Variants in ARHGAP6 observed in about 807,000 individuals in gnomAD.
ARHGAP6 encodes rho GTPase-activating protein 6.
Under a neutral mutation model 55.7 loss-of-function variants are expected in ARHGAP6, and 16 were observed. That is an observed-to-expected ratio of 0.29 (90% confidence interval 0.19 to 0.44). ARHGAP6 has a LOEUF of 0.44. ARHGAP6 is among the 20% of genes least tolerant of loss of function. The pLI is 1.00. For synonymous variants in ARHGAP6, 382 were observed against 360.9 expected, an observed-to-expected ratio of 1.06 and a Z score of -0.66; for missense variants, 698 against 808.9, an observed-to-expected ratio of 0.86 and a Z score of 1.66.
chrX:11,656,776 C>T (rs1427981921), intron 1 of ARHGAP6, among the ~76,000 whole-genome samples: 2 of 111,828 alleles, frequency 1.8e-5, no homozygotes, highest in East Asian at 2.8e-4. Context: ...ACGATAATCT[C>T]GCATCTGCAA....
chrX:11,464,202 T>C (rs2050271830), intron 1 of ARHGAP6, among the ~76,000 whole-genome samples: 1 of 111,869 alleles, frequency 8.9e-6, no homozygotes, highest in Admixed American at 9.5e-5. Flanking sequence ...AGTGGAACTT[T>C]CTCCAAAAAA....
chrX:11,304,351 A>T lies in ARHGAP6; in HGVS notation c.589-49644T>A, dbSNP rs189200994. ...GTGATCTGCCCACCTCAGCCTCCCA[A>T]AGTGCTAGGATTACAGGTGTGAGCC... On this transcript the variant is annotated intron_variant, in intron 1 of 12. Transcript: ENST00000337414. Among the ~76,000 whole-genome samples, 417 of 110,862 alleles carry T rather than the reference A, an allele frequency of 3.8e-3. 1 individual carries two copies. The highest frequency in any genetic ancestry group is 0.014 in the Middle Eastern group (3 of 215).
In ARHGAP6 at chrX:11,179,428, T is replaced by C; in HGVS notation, c.1354A>G (p.Ile452Val). 1 of 1,209,435 alleles carries C rather than the reference T, an allele frequency of 8.3e-7. No individual in the cohort carries two copies. Among genetic ancestry groups the C allele is most frequent in the Non-Finnish European group, 1.1e-6 (1 of 894,758 alleles). ...RQLREEFDRG[I>V]DVSLEEEHSV... ...TGCTCCTCCTCCAGAGAGACATCAA[T>C]CCCACGGTCAAATTCCTCACGTAAC... The change falls in exon 7 of 13, where the codon ATT becomes GTT. Residue 452 changes from isoleucine (I) to valine (V), a missense_variant. By Grantham distance (29) the Ile-to-Val change is conservative. This residue lies in a region of ARHGAP6 where 322 missense variants were observed against 451.1 expected (regional missense o/e 0.71). Coordinates refer to ENST00000337414, the MANE Select transcript of ARHGAP6 (RefSeq NM_013427.3).
intron 1 of ARHGAP6, among the ~76,000 whole-genome samples, chrX:11,577,788 C>A (rs987932040): frequency 1.8e-5 from 2 of 111,752 alleles, no homozygotes; most frequent in African/African-American, 6.5e-5. Context: ...GTGTCTCAGG[C>A]TACTATGTGT....
intron 1 of ARHGAP6, chrX:11,298,187 G>C (rs752708064): frequency 9.9e-6 from 12 of 1,207,234 alleles, no homozygotes; most frequent in Non-Finnish European, 1.3e-5. Flanking sequence ...TTCTATATTG[G>C]ATGAAAGTAA....
chrX:11,421,967 C>G (rs1475423473), intron 1 of ARHGAP6, among the ~76,000 whole-genome samples: 1 of 111,872 alleles, frequency 8.9e-6, no homozygotes, highest in African/African-American at 3.3e-5. Flanking sequence ...CACAGGCAGC[C>G]AGATTCATGT....
At chrX:11,326,825 T>C (rs1485484887) in intron 1 of ARHGAP6, among the ~76,000 whole-genome samples, 1 of 112,135 alleles carries the variant, frequency 8.9e-6, no homozygotes, top group Admixed American at 9.5e-5. Flanking sequence ...TAAACACTTG[T>C]TAAACTTTGA....
At chrX:11,344,678 C>CAAAAAAAAAAAAAAAAAAAAAAA (rs34123570) in intron 1 of ARHGAP6, among the ~76,000 whole-genome samples, 24 of 28,277 alleles carry the variant, frequency 8.5e-4, no homozygotes, top group East Asian at 1.4e-3. Flanking sequence ...AACTCCATCA[C>CAAAAAAAAAAAAAAAAAAAAAAA]AAAAAAAAAA....
rs1457768478 is a variant in ARHGAP6 at position 11,144,028 on chromosome X, A to G, written c.2128T>C (p.Ser710Pro). Reference protein sequence around the residue: ...PGQFMLVGHLSSSKSRESSPG... With the variant: ...PGQFMLVGHLPSSKSRESSPG... ...GAACTTTCCCTTGACTTTGACGACG[A>G]CAAGTGGCCCACCAGCATAAACTGC... The change falls in exon 11 of 13, where the codon TCG (serine) becomes CCG (proline). Residue 710 changes from serine (S) to proline (P), a missense_variant. Coordinates refer to ENST00000337414, the MANE Select transcript of ARHGAP6 (RefSeq NM_013427.3). The G allele has an allele frequency of 1.7e-6, 2 of 1,211,739 alleles. No homozygotes were observed. The highest frequency in any genetic ancestry group is 2.2e-6 in the Non-Finnish European group (2 of 895,513).
intron 1 of ARHGAP6, among the ~76,000 whole-genome samples, chrX:11,622,512 G>A (rs2052241647): frequency 9.0e-6 from 1 of 111,528 alleles, no homozygotes; most frequent in South Asian, 3.8e-4. Context: ...ACCAAACCAG[G>A]GGGTTGGGGG....
At chrX:11,545,334 A>T (rs1028076726) in intron 1 of ARHGAP6, among the ~76,000 whole-genome samples, 2 of 112,583 alleles carry the variant, frequency 1.8e-5, no homozygotes, top group African/African-American at 6.5e-5. Flanking sequence ...AGACTGAGGT[A>T]TATCTCTAGT....
chrX:11,651,894 G>A (rs1295773031), intron 1 of ARHGAP6, among the ~76,000 whole-genome samples: 1 of 112,255 alleles, frequency 8.9e-6, no homozygotes, highest in Non-Finnish European at 1.9e-5. Flanking sequence ...CATCAGTGAT[G>A]TTGAGCTTTT....
intron 1 of ARHGAP6, among the ~76,000 whole-genome samples, chrX:11,503,662 G>A (rs1209381641): frequency 9.0e-6 from 1 of 111,412 alleles, no homozygotes; most frequent in Non-Finnish European, 1.9e-5. Context: ...CGATGGAAAC[G>A]TTCTTTCTCT....
Position 11,143,769 on chromosome X carries a change from A to C in ARHGAP6, c.2176+211T>G, listed in dbSNP as rs917483714. On this transcript the variant is annotated intron_variant, in intron 11 of 12. Coordinates refer to ENST00000337414, the MANE Select transcript of ARHGAP6 (RefSeq NM_013427.3). ...ATCTGAGACTTGGAGTGTGGCCTGCAGGGACCCTCCCAGCCAACGACTGGG... is the reference window on the plus strand; with the variant it reads ...ATCTGAGACTTGGAGTGTGGCCTGCCGGGACCCTCCCAGCCAACGACTGGG... The C allele has an allele frequency of 3.5e-6, 4 of 1,141,469 alleles. No individual in the cohort carries two copies. The African/African-American group carries it at 7.3e-5, about 21-fold the overall frequency. The allele number at this position is 1,141,469 out of a possible 1,213,427, so 94.1% of individuals were successfully genotyped here. A position where few individuals can be genotyped will look rare whatever the true frequency, so the allele number is the denominator to read the frequency against.
At position 11,508,220 on chromosome X, in the gene ARHGAP6, G is replaced by A. The variant is rs187128507; in HGVS notation, c.588+156021C>T. On this transcript the variant is annotated intron_variant, in intron 1 of 12. Transcript: ENST00000337414. ...CTCTGTTGCTATGATACAATGGTGC[G>A]ATCATAGCTCACTGCAACCTTGAAC... 2.8e-3 allele frequency among the ~76,000 whole-genome samples: 314 copies of A among 110,395 alleles called. 2 individuals carry two copies. Among genetic ancestry groups the A allele is most frequent in the Non-Finnish European group, 3.0e-3 (159 of 52,830 alleles).
intron 1 of ARHGAP6, among the ~76,000 whole-genome samples, chrX:11,587,275 C>T (rs777186284): frequency 4.5e-5 from 5 of 111,873 alleles, no homozygotes; most frequent in Non-Finnish European, 9.4e-5. Flanking sequence ...ATGCTTTCAA[C>T]TTTTGCCCAT....
chrX:11,296,578 C>T (rs2048087814), intron 1 of ARHGAP6, among the ~76,000 whole-genome samples: 1 of 111,908 alleles, frequency 8.9e-6, no homozygotes, highest in South Asian at 3.8e-4. Flanking sequence ...AATAAAAGGT[C>T]TCCTCTTCTA....
chrX:11,606,038 C>T (rs1664612823), intron 1 of ARHGAP6, among the ~76,000 whole-genome samples: 1 of 110,903 alleles, frequency 9.0e-6, no homozygotes, highest in Non-Finnish European at 1.9e-5. Flanking sequence ...AAGAGGAGAA[C>T]AGGAAGGAAA....
intron 1 of ARHGAP6, among the ~76,000 whole-genome samples, chrX:11,507,930 C>T (rs1255890437): frequency 2.7e-5 from 3 of 111,855 alleles, no homozygotes; most frequent in African/African-American, 9.8e-5. Context: ...ACACATATTT[C>T]TTGAGCCTCA....
Sources: gnomAD v4.1 joint callset for allele counts (sites outside exome capture counted in the v4.1 genomes callset) on GRCh38, gnomAD v4.1.1 for gene constraint, gnomAD v4.1.1 regional missense constraint, MANE v1.5 for transcripts, NCBI Gene and HGNC (gene_info 2026-07-23, HGNC 2026-07-21) for gene names.